Variants in MAP4 observed in about 807,000 individuals in gnomAD.
The protein encoded by MAP4 is microtubule-associated protein 4.
In MAP4, 76 loss-of-function variants were observed where a neutral mutation model predicts 170.2. The observed-to-expected ratio is 0.45, with a 90% CI of 0.37 to 0.54. The LOEUF is 0.54. MAP4 is among the 20% of genes least tolerant of loss of function. The pLI is 0.00. For missense variants in MAP4, 2,506 were observed against 2,748.0 expected, an observed-to-expected ratio of 0.91 and a Z score of 1.97; for synonymous variants, 909 against 994.5, an observed-to-expected ratio of 0.91 and a Z score of 1.62.
At chr3:48,050,211 G>T (rs1185991154) in intron 1 of MAP4, among the ~76,000 whole-genome samples, 2 of 146,912 alleles carry the variant, frequency 1.4e-5, no homozygotes, top group African/African-American at 5.1e-5. Context: ...AGTGAGCCGA[G>T]ATGACACTAC....
chr3:47,935,323 C>T (rs2100052101), intron 3 of MAP4, among the ~76,000 whole-genome samples: 1 of 152,030 alleles, frequency 6.6e-6, no homozygotes, highest in South Asian at 2.1e-4. Flanking sequence ...GGAAGACACA[C>T]AGCAAGCAAA....
In MAP4 at chr3:47,912,180, T is replaced by A; in HGVS notation, c.2241A>T (p.Ser747=). Residue 747 remains serine (S), a synonymous_variant, in exon 9 of 21, where the codon TCA becomes TCT. Transcript: ENST00000683076. ...GNQRKSIHVD[S]LEPQRDLGRE... is the part of the protein sequence containing the mutation. ...TGCCAAGATCCCTCTGGGGTTCAAG[T>A]GAGTCAACATGAATACTTTTTCTTT... is the stretch of plus-strand genomic sequence containing the variant. 1 of 1,536,174 alleles carries A rather than the reference T, an allele frequency of 6.5e-7. No individual in the cohort carries two copies. The highest frequency in any genetic ancestry group is 8.7e-7 in the Non-Finnish European group (1 of 1,146,918).
At position 47,910,461 on chromosome 3, in the gene MAP4, C is replaced by T. The variant is rs1405414671; in HGVS notation, c.3960G>A (p.Lys1320=). ...GCTCTTGGCAGCTCACATCTGTCAC[C>T]TTGGCAGGTGGTTCAGTAACAGTAG... ...KASTVTEPPA[K]VTDVSCQEQI... The change falls in exon 9 of 21, where the codon AAG becomes AAA. Residue 1320 remains lysine (K), a synonymous_variant. Coordinates refer to ENST00000683076, the MANE Select transcript of MAP4 (RefSeq NM_001385682.1). The T allele has an allele frequency of 2.0e-6, 3 of 1,536,078 alleles. No homozygotes were observed. Among genetic ancestry groups the T allele is most frequent in the Admixed American group, 3.9e-5 (2 of 50,982 alleles).
At position 47,874,327 on chromosome 3, in the gene MAP4, G is replaced by A. The variant is rs928732218; in HGVS notation, c.5757+1358C>T. ...TACTAAAAATACAAAAAATTAGCCA[G>A]GCGTGGTGGCGGGTGCCTGTAATCC... On this transcript the variant is annotated intron_variant, in intron 12 of 20. Coordinates refer to ENST00000683076, the MANE Select transcript of MAP4 (RefSeq NM_001385682.1). Among the ~76,000 whole-genome samples the A allele has an allele frequency of 5.9e-5, 9 of 152,120 alleles. No homozygotes were observed. In the East Asian group the frequency reaches 1.7e-3, roughly 29 times the overall value.
At chr3:48,033,383 C>T (rs2100117165) in intron 1 of MAP4, among the ~76,000 whole-genome samples, 1 of 152,156 alleles carries the variant, frequency 6.6e-6, no homozygotes, top group Admixed American at 6.5e-5. Context: ...CACTATGCTT[C>T]TACAGTTAGT....
intron 3 of MAP4, among the ~76,000 whole-genome samples, chr3:47,971,821 A>ACACC (rs1479047390): frequency 1.3e-5 from 2 of 152,192 alleles, no homozygotes; most frequent in African/African-American, 4.8e-5. Flanking sequence ...TTTGCCTAGA[A>ACACC]CACCCTCTAG....
chr3:47,958,439 T>A (rs2100069195), intron 3 of MAP4, among the ~76,000 whole-genome samples: 1 of 152,178 alleles, frequency 6.6e-6, no homozygotes. Flanking sequence ...TTCTCTTTGT[T>A]ATATTTGGTA....
intron 1 of MAP4, among the ~76,000 whole-genome samples, chr3:48,044,229 A>T (rs2100123168): frequency 1.3e-5 from 2 of 150,474 alleles, no homozygotes. Flanking sequence ...ATCTCGGTTC[A>T]CTGTAAGCTC....
At chr3:48,045,984 CTT>C (rs59624917) in intron 1 of MAP4, among the ~76,000 whole-genome samples, 48 of 130,790 alleles carry the variant, frequency 3.7e-4, no homozygotes, top group East Asian at 1.1e-3. Flanking sequence ...TGCATCACTT[CTT>C]TTTTTTTTTT....
intron 9 of MAP4, among the ~76,000 whole-genome samples, chr3:47,906,178 A>G (rs2100032896): frequency 6.6e-6 from 1 of 152,042 alleles, no homozygotes; most frequent in South Asian, 2.1e-4. Flanking sequence ...CTTTCTCTAC[A>G]AGGGACATCT....
At chr3:48,055,422 T>A (rs2100130529) in intron 1 of MAP4, among the ~76,000 whole-genome samples, 1 of 151,490 alleles carries the variant, frequency 6.6e-6, no homozygotes, top group Non-Finnish European at 1.5e-5. Context: ...GCCGGGCCGG[T>A]CTCCAGCCCC....
chr3:48,029,162 G>A (rs1464095461), intron 1 of MAP4, among the ~76,000 whole-genome samples: 4 of 151,680 alleles, frequency 2.6e-5, no homozygotes, highest in Admixed American at 1.3e-4. Flanking sequence ...AATAAGCCAG[G>A]TGGGGTGGCT....
chr3:47,867,016 G>C (rs574860222), intron 17 of MAP4, among the ~76,000 whole-genome samples: 2 of 152,286 alleles, frequency 1.3e-5, no homozygotes, highest in African/African-American at 2.4e-5. Flanking sequence ...CCACCCATAT[G>C]GGTAAAAAGA....
At chr3:47,865,682 T>G (rs1451628801) in intron 17 of MAP4, among the ~76,000 whole-genome samples, 1 of 152,068 alleles carries the variant, frequency 6.6e-6, no homozygotes, top group Non-Finnish European at 1.5e-5. Context: ...CCTAGTCCGG[T>G]TCAGGACAGT....
At chr3:47,969,190 C>T (rs1182230669) in intron 3 of MAP4, among the ~76,000 whole-genome samples, 1 of 152,100 alleles carries the variant, frequency 6.6e-6, no homozygotes, top group Non-Finnish European at 1.5e-5. Context: ...GGTGGATCAC[C>T]TGAGGTCAGG....
At chr3:47,922,405 C>G (rs1330904127) in intron 4 of MAP4, among the ~76,000 whole-genome samples, 1 of 152,026 alleles carries the variant, frequency 6.6e-6, no homozygotes, top group Non-Finnish European at 1.5e-5. Flanking sequence ...TGGTTATGTA[C>G]ATCAGATAGC....
intron 1 of MAP4, among the ~76,000 whole-genome samples, chr3:48,012,898 CA>C (rs1480101899): frequency 4.6e-5 from 7 of 152,110 alleles, no homozygotes. Flanking sequence ...TTAAAATACA[CA>C]CACACACCCC....
chr3:47,880,838 C>T (rs1205848867), intron 10 of MAP4, among the ~76,000 whole-genome samples: 3 of 152,080 alleles, frequency 2.0e-5, no homozygotes, highest in African/African-American at 7.2e-5. Context: ...TTAATGGACA[C>T]CTGAGAAGAA....
chr3:48,031,334 A>G (rs2100115989), intron 1 of MAP4, among the ~76,000 whole-genome samples: 1 of 152,148 alleles, frequency 6.6e-6, no homozygotes, highest in South Asian at 2.1e-4. Context: ...GGGGGATCTC[A>G]AGGTCAGGAG....
Sources: allele counts gnomAD v4.1 joint callset (sites outside exome capture counted in the v4.1 genomes callset), GRCh38; gene constraint gnomAD v4.1.1; transcripts MANE v1.5; gene names NCBI Gene and HGNC (gene_info 2026-07-23, HGNC 2026-07-21).